Variants in RORA observed in about 807,000 individuals in gnomAD.
RORA encodes the protein RAR related orphan receptor A.
A neutral mutation model predicts 69.5 loss-of-function variants in RORA; 7 were observed. The observed-to-expected ratio is 0.10, with a 90% CI of 0.06 to 0.19. The LOEUF (loss-of-function observed/expected upper bound fraction) is 0.19. RORA is among the 10% of genes least tolerant of loss of function. The pLI, the probability that RORA is intolerant of heterozygous loss-of-function variation, is 1.00. For missense variants in RORA, 457 were observed against 663.0 expected (o/e 0.69, Z 3.41); for synonymous variants, 261 against 240.8 (o/e 1.08, Z -0.78).
Position 60,896,134 on chromosome 15 carries a change from A to G in RORA, c.167-217448T>C, listed in dbSNP as rs79002949. Among the ~76,000 whole-genome samples, 730 of 152,332 alleles carry G rather than the reference A, an allele frequency of 4.8e-3. 3 individuals carry two copies. The highest frequency in any genetic ancestry group is 0.017 in the African/African-American group (695 of 41,572). On this transcript the variant is annotated intron_variant, in intron 1 of 10. Coordinates refer to ENST00000335670, the MANE Select transcript of RORA (RefSeq NM_134261.3). ...CTCTGTTCATTAAGTGAGTGTTCAGAGAAGACCCACTCATCCTGTAAGCAC... is the reference window on the plus strand; with the variant it reads ...CTCTGTTCATTAAGTGAGTGTTCAGGGAAGACCCACTCATCCTGTAAGCAC...
At chr15:61,193,798 T>C (rs1409323998) in intron 1 of RORA, among the ~76,000 whole-genome samples, 1 of 152,206 alleles carries the variant, frequency 6.6e-6, no homozygotes, top group Non-Finnish European at 1.5e-5. Flanking sequence ...GTCACACGAA[T>C]AGTGACAGTG....
At chr15:60,515,957 T>TTATATA (rs374446786) in intron 3 of RORA, among the ~76,000 whole-genome samples, 1 of 17,588 alleles carries the variant, frequency 5.7e-5, no homozygotes, top group South Asian at 2.0e-3. Flanking sequence ...ATTTATATAT[T>TTATATA]TATATTTATA....
rs186268278 is a variant in RORA, at chr15:60,686,332, A to T, written c.167-7646T>A. On this transcript the variant is annotated intron_variant, in intron 1 of 10. Transcript: ENST00000335670. Reference sequence around the variant, plus strand: ...CCCTCTTCTCAGAGATTACTATTCAATGCACTACGAAAAGTCCATATGTAA... The same window carrying T: ...CCCTCTTCTCAGAGATTACTATTCATTGCACTACGAAAAGTCCATATGTAA... Among the ~76,000 whole-genome samples the T allele has an allele frequency of 1.2e-3, 181 of 152,368 alleles. 1 individual carries two copies. The highest frequency in any genetic ancestry group is 1.9e-4 in the Non-Finnish European group (13 of 68,034).
intron 1 of RORA, among the ~76,000 whole-genome samples, chr15:60,993,674 G>A (rs899135128): frequency 1.4e-5 from 2 of 147,294 alleles, no homozygotes; most frequent in Non-Finnish European, 3.0e-5. Context: ...AAAGACCTGG[G>A]ATCTACCTTA....
At chr15:60,990,941 C>T (rs888455164) in intron 1 of RORA, among the ~76,000 whole-genome samples, 1 of 152,202 alleles carries the variant, frequency 6.6e-6, no homozygotes, top group Non-Finnish European at 1.5e-5. Context: ...AAATGTTCTT[C>T]ATGTCACCAA....
chr15:60,516,167 A>C (rs1389834014), intron 3 of RORA, among the ~76,000 whole-genome samples: 1 of 32,564 alleles, frequency 3.1e-5, no homozygotes, highest in Non-Finnish European at 5.1e-5. Context: ...ATATTTATAT[A>C]TATATTTATA....
intron 1 of RORA, among the ~76,000 whole-genome samples, chr15:60,933,613 C>T (rs1200450374): frequency 6.6e-6 from 1 of 152,162 alleles, no homozygotes; most frequent in Admixed American, 6.5e-5. Context: ...GGATGGCATA[C>T]TCCTAAAGGA....
intron 1 of RORA, among the ~76,000 whole-genome samples, chr15:60,817,713 G>C (rs2140374488): frequency 6.6e-6 from 1 of 152,308 alleles, no homozygotes; most frequent in African/African-American, 2.4e-5. Context: ...TCCCATGTGT[G>C]GGCTGAGGCC....
intron 2 of RORA, among the ~76,000 whole-genome samples, chr15:60,587,220 A>T (rs2068361520): frequency 6.6e-6 from 1 of 152,190 alleles, no homozygotes; most frequent in South Asian, 2.1e-4. Flanking sequence ...TCTTAAAACA[A>T]GCAGACTTAA....
intron 1 of RORA, among the ~76,000 whole-genome samples, chr15:61,124,214 C>A (rs577083627): frequency 7.1e-4 from 108 of 152,334 alleles, no homozygotes; most frequent in African/African-American, 2.5e-3. Context: ...TAAGCAATTC[C>A]CTTATCGGGG....
chr15:60,719,304 AAT>A (rs2071263464), intron 1 of RORA, among the ~76,000 whole-genome samples: 1 of 150,924 alleles, frequency 6.6e-6, no homozygotes, highest in Admixed American at 6.6e-5. Context: ...AAAATAAAAA[AAT>A]GTGTGTGTGT....
At chr15:61,011,704 G>C (rs1895093103) in intron 1 of RORA, among the ~76,000 whole-genome samples, 1 of 152,166 alleles carries the variant, frequency 6.6e-6, no homozygotes, top group Non-Finnish European at 1.5e-5. Flanking sequence ...TGGGTACCTG[G>C]CATTTACTAC....
intron 1 of RORA, among the ~76,000 whole-genome samples, chr15:60,772,914 A>G (rs2072099582): frequency 1.3e-5 from 2 of 152,242 alleles, no homozygotes; most frequent in Admixed American, 1.3e-4. Flanking sequence ...CTGGATTAGC[A>G]TGTGCCCAGA....
At chr15:61,117,622 T>G (rs1427424236) in intron 1 of RORA, among the ~76,000 whole-genome samples, 2 of 152,218 alleles carry the variant, frequency 1.3e-5, no homozygotes, top group Non-Finnish European at 2.9e-5. Flanking sequence ...CTAAATGTGT[T>G]TGAGGAATTC....
At chr15:60,539,519 T>C (rs911772082) in intron 2 of RORA, among the ~76,000 whole-genome samples, 1 of 152,216 alleles carries the variant, frequency 6.6e-6, no homozygotes, top group Admixed American at 6.5e-5. Context: ...TCCTATCACA[T>C]AGTAGTGCAC....
chr15:60,813,884 G>A (rs2072776006), intron 1 of RORA, among the ~76,000 whole-genome samples: 1 of 152,106 alleles, frequency 6.6e-6, no homozygotes, highest in Non-Finnish European at 1.5e-5. Context: ...ATCAAAACTT[G>A]TGTTAATTTC....
rs191409669 is a variant in RORA at position 61,128,538 on chromosome 15, G to A, written c.166+100515C>T. On this transcript the variant is annotated intron_variant, in intron 1 of 10. Coordinates refer to ENST00000335670, the MANE Select transcript of RORA (RefSeq NM_134261.3). This position sits in a 1 kb window ranked among gnomAD's most constrained non-coding sequence, Gnocchi z 4.5. ...ACAGACCTATGACGCTGTTGATTACGTTAGATAACTCAGGGATACGGGGAG... is the reference window on the plus strand; with the variant it reads ...ACAGACCTATGACGCTGTTGATTACATTAGATAACTCAGGGATACGGGGAG... Among the ~76,000 whole-genome samples the A allele has an allele frequency of 4.7e-3, 713 of 152,260 alleles. 4 individuals carry two copies. Among genetic ancestry groups the A allele is most frequent in the Non-Finnish European group, 6.9e-3 (470 of 68,018 alleles).
intron 3 of RORA, among the ~76,000 whole-genome samples, chr15:60,515,019 C>T (rs1018168653): frequency 1.3e-5 from 2 of 152,210 alleles, no homozygotes; most frequent in East Asian, 3.8e-4. Flanking sequence ...TAAAAAGGCA[C>T]AGGACCAGGT....
intron 1 of RORA, among the ~76,000 whole-genome samples, chr15:60,838,843 A>AACACACACACACACACAC (rs58762022): frequency 1.6e-5 from 2 of 122,084 alleles, no homozygotes; most frequent in African/African-American, 6.3e-5. Context: ...ACATTCATTC[A>AACACACACACACACACAC]ACACACACAC....
Sources: gnomAD v4.1 joint callset for allele counts (sites outside exome capture counted in the v4.1 genomes callset) on GRCh38, gnomAD v4.1.1 for gene constraint, Gnocchi (gnomAD v3.1) non-coding constraint, MANE v1.5 for transcripts, NCBI Gene and HGNC (gene_info 2026-07-23, HGNC 2026-07-21) for gene names.